The following ABCB11 variants were observed in gnomAD, a reference collection of about 807,000 sequenced individuals.
ABCB11 encodes ATP binding cassette subfamily B member 11.
Under a neutral mutation model 148.0 loss-of-function variants are expected in ABCB11, and 95 were observed. That is an observed-to-expected ratio of 0.64 (90% CI 0.54 to 0.76). ABCB11 has a LOEUF of 0.76. ABCB11 is among the 30% of genes least tolerant of loss of function. ABCB11 has a pLI of 0.00. For missense variants in ABCB11, 1,523 were observed against 1,617.8 expected (o/e 0.94, Z 1.01); for synonymous variants, 591 against 555.4 (o/e 1.06, Z -0.90).
At chr2:168,978,961 G>A (rs183622096) in intron 11 of ABCB11, among the ~76,000 whole-genome samples, 135 of 151,852 alleles carry the variant, frequency 8.9e-4, no homozygotes, top group East Asian at 2.5e-3. Context: ...CTCAGGTGAC[G>A]CGCCCACCTT....
Position 168,958,816 on chromosome 2 carries a change from T to G in ABCB11, c.2179-688A>C, listed in dbSNP as rs547212116. 3.3e-5 allele frequency among the ~76,000 whole-genome samples: 5 copies of G among 151,834 alleles called. No homozygotes were observed. In the South Asian group the frequency reaches 1.0e-3, roughly 31 times the overall value. On this transcript the variant is annotated intron_variant, in intron 18 of 27. Transcript: ENST00000650372. The stretch of plus-strand genomic sequence containing the variant: ...GGCAAATATTATACATGGACCTCCG[T>G]TGTCTTTTTTGGCCATCGTTTTTCC...
Position 168,976,570 on chromosome 2 carries a change from C to A in ABCB11, c.1308+7G>T. On this transcript the variant is annotated splice_region_variant and intron_variant, in intron 12 of 27. Transcript: ENST00000650372. Reference sequence around the variant, plus strand: ...TTTACTATTCTGGGGAACAGACCAGCACTCACCTTCACCTCTGGTCTGGAA... The same window carrying A: ...TTTACTATTCTGGGGAACAGACCAGAACTCACCTTCACCTCTGGTCTGGAA... The A allele has an allele frequency of 1.3e-6, 2 of 1,502,600 alleles. No individual in the cohort carries two copies. Among genetic ancestry groups the A allele is most frequent in the Admixed American group, 1.7e-5 (1 of 57,640 alleles). 93.1% of individuals were successfully genotyped at this position (1,502,600 alleles called of 1,614,324 possible).
At chr2:168,968,159 GCTCAATACACAACAATTTTAACCATA>G (rs1186823609) in intron 17 of ABCB11, among the ~76,000 whole-genome samples, 3 of 151,794 alleles carry the variant, frequency 2.0e-5, no homozygotes, top group African/African-American at 7.2e-5. Context: ...CCCTTTCTAA[GCTCAATACACAACAATTTTAACCATA>G]AAGCATCTCC....
intron 25 of ABCB11, 125 bp from the exon 26 acceptor site, chr2:168,927,487 C>T (rs1048523421): frequency 1.7e-5 from 13 of 750,262 alleles, no homozygotes; most frequent in East Asian, 8.0e-5. Context: ...AATCCCAAGG[C>T]TAAAATTATG....
chr2:168,923,607 G>A lies in ABCB11; in HGVS notation c.*15C>T, dbSNP rs750867721. The A allele has an allele frequency of 6.2e-7, 1 of 1,613,436 alleles. No individual in the cohort carries two copies. The highest frequency in any genetic ancestry group is 8.5e-7 in the Non-Finnish European group (1 of 1,179,490). On this transcript the variant is annotated 3_prime_UTR_variant, in exon 28 of 28. Transcript: ENST00000650372. The stretch of plus-strand genomic sequence containing the variant: ...TAACTGGTGCGTCATGTGTGTCTGA[G>A]ATTCTTGCATTGGGTCAACTGATGG...
chr2:168,984,991 G>A (rs1694264540), intron 10 of ABCB11, among the ~76,000 whole-genome samples: 1 of 152,064 alleles, frequency 6.6e-6, no homozygotes, highest in South Asian at 2.1e-4. Flanking sequence ...CGAGTAAACA[G>A]ACAACCCACA....
chr2:168,945,270 T>C (rs1321552234), intron 19 of ABCB11, among the ~76,000 whole-genome samples: 2 of 151,902 alleles, frequency 1.3e-5, no homozygotes, highest in Admixed American at 1.3e-4. Context: ...GCTGTAAACC[T>C]AAAAGTGCTC....
rs115531051 is a variant in ABCB11, at chr2:168,940,552, C to T, written c.2610+4053G>A. 6.9e-3 allele frequency among the ~76,000 whole-genome samples: 1,050 copies of T among 152,186 alleles called. 10 individuals are homozygous for T. Among genetic ancestry groups the T allele is most frequent in the South Asian group, 0.023 (113 of 4,824 alleles). On this transcript the variant is annotated intron_variant, in intron 21 of 27. Transcript: ENST00000650372. ...TTATGAGGTTTAAGGAAAAAAGCAT[C>T]TCCACAATGTAAAAGTGCAAGGTGA... is the stretch of plus-strand genomic sequence containing the variant.
intron 18 of ABCB11, among the ~76,000 whole-genome samples, chr2:168,962,195 T>G (rs1360129327): frequency 1.3e-5 from 2 of 151,712 alleles, no homozygotes; most frequent in Non-Finnish European, 3.0e-5. Context: ...ACATTGGCTC[T>G]CCTATCATTT....
At chr2:169,016,752 CT>C (rs755873205) in intron 3 of ABCB11, 25 bp downstream of exon 3, 2 of 1,584,474 alleles carry the variant, frequency 1.3e-6, no homozygotes, top group Non-Finnish European at 1.7e-6. Context: ...AGAAAAGATG[CT>C]GCATTGTTGA....
chr2:168,968,823 A>C (rs1693434774), intron 16 of ABCB11, among the ~76,000 whole-genome samples: 1 of 151,756 alleles, frequency 6.6e-6, no homozygotes, highest in Admixed American at 6.6e-5. Flanking sequence ...TAAACTTTTC[A>C]AAAGTCTATT....
intron 10 of ABCB11, among the ~76,000 whole-genome samples, chr2:168,984,588 T>C (rs941145298): frequency 6.6e-6 from 1 of 152,166 alleles, no homozygotes; most frequent in Non-Finnish European, 1.5e-5. Context: ...CATTTATTAG[T>C]ATATATCTTG....
intron 21 of ABCB11, among the ~76,000 whole-genome samples, chr2:168,937,326 C>A (rs778745764): frequency 6.6e-6 from 1 of 152,144 alleles, no homozygotes; most frequent in African/African-American, 2.4e-5. Flanking sequence ...GGTGTATAAG[C>A]ACCTTTCAAG....
chr2:168,958,221 T>A (rs1692888166), intron 18 of ABCB11, 93 bp from the exon 19 acceptor site: 1 of 1,275,944 alleles, frequency 7.8e-7, no homozygotes. Context: ...AGAGTCATAG[T>A]TTGATTAGTT....
Position 168,944,724 on chromosome 2 carries a change from G to A in ABCB11, c.2491C>T (p.Leu831=). 1 of 1,612,770 alleles carries A rather than the reference G, an allele frequency of 6.2e-7. No homozygotes were observed. Among genetic ancestry groups the A allele is most frequent in the Non-Finnish European group, 8.5e-7 (1 of 1,179,178 alleles). The change falls in exon 21 of 28, where the codon CTA becomes TTA. Residue 831 remains leucine (L), a synonymous_variant. Transcript: ENST00000650372. Reference sequence around the variant, plus strand: ...ATTGCCCTGAAACCAAATTTACGTAGCCTTTTTGTTAGGAGCTCCCCAGAT... The same window carrying A: ...ATTGCCCTGAAACCAAATTTACGTAACCTTTTTGTTAGGAGCTCCCCAGAT... ...AKSGELLTKR[L]RKFGFRAMLG... is the part of the protein sequence containing the mutation.
rs757068934 is a variant in ABCB11, at chr2:168,990,953, T to C, written c.784-28A>G. The C allele has an allele frequency of 2.5e-6, 4 of 1,608,582 alleles. No homozygotes were observed. The South Asian group carries it at 3.3e-5, about 13-fold the overall frequency. ...AAAAATCAAAAAGAAGAAAAGAAAA[T>C]GTGAAGTCCAAGAAATTAGGTAAGT... On this transcript the variant is annotated intron_variant, in intron 8 of 27. Transcript: ENST00000650372.
chr2:168,933,165 A>T (rs921500677), intron 23 of ABCB11, among the ~76,000 whole-genome samples: 1 of 151,964 alleles, frequency 6.6e-6, no homozygotes, highest in Non-Finnish European at 1.5e-5. Flanking sequence ...TTCTGAAAAA[A>T]TTTTTTTAAA....
intron 1 of ABCB11, among the ~76,000 whole-genome samples, 153 bp from the exon 2 acceptor site, chr2:169,018,305 A>G (rs964471739): frequency 6.6e-6 from 1 of 152,228 alleles, no homozygotes; most frequent in African/African-American, 2.4e-5. Context: ...ACTCCCTGAA[A>G]GAGCCTAATT....
chr2:168,981,461 A>G (rs1365206035), intron 10 of ABCB11, among the ~76,000 whole-genome samples: 4 of 152,154 alleles, frequency 2.6e-5, no homozygotes, highest in African/African-American at 7.2e-5. Context: ...ATGATAGCAT[A>G]TATTTCATAG....
Sources: allele counts gnomAD v4.1 joint callset (sites outside exome capture counted in the v4.1 genomes callset), GRCh38; gene constraint gnomAD v4.1.1; transcripts MANE v1.5; gene names NCBI Gene and HGNC (gene_info 2026-07-23, HGNC 2026-07-21).